GPATCH2: variants seen among roughly 807,000 people sequenced by gnomAD.
The protein encoded by GPATCH2 is G-patch domain containing 2.
A neutral mutation model predicts 58.0 loss-of-function variants in GPATCH2; 51 were observed. The ratio of observed to expected loss-of-function variants is 0.88; its 90% confidence interval spans 0.70 to 1.11. The LOEUF (loss-of-function observed/expected upper bound fraction) is 1.11, where lower values mean the gene tolerates loss of function less well. Ranked by LOEUF, GPATCH2 falls within the 50% of genes most tolerant of loss-of-function variation. The probability of loss-of-function intolerance (pLI) is 0.00; values close to 1 mark genes in which losing one functional copy is unlikely to be tolerated. For missense variants in GPATCH2, 625 were observed against 652.2 expected, an observed-to-expected ratio of 0.96 and a Z score of 0.45; for synonymous variants, 222 against 218.5, an observed-to-expected ratio of 1.02 and a Z score of -0.14.
intron 8 of GPATCH2, among the ~76,000 whole-genome samples, chr1:217,483,385 A>G (rs1263144389): frequency 6.6e-6 from 1 of 152,112 alleles, no homozygotes; most frequent in Non-Finnish European, 1.5e-5. Flanking sequence ...GCATCTCACT[A>G]TGTTGCCCAG....
rs560022893 is a variant in GPATCH2 at position 217,609,042 on chromosome 1, A to T, written c.1098+1279T>A. 54 of 816,090 alleles carry T rather than the reference A, an allele frequency of 6.6e-5. 1 individual carries two copies. In the South Asian group the frequency reaches 2.5e-3, roughly 37 times the overall value. 50.6% of individuals were successfully genotyped at this position (816,090 alleles called of 1,614,324 possible). On this transcript the variant is annotated intron_variant, in intron 5 of 9. Transcript: ENST00000366935. ...AAGTTAGCCATTAAATGCTGAATTA[A>T]CAATTAATCCATACAATAATATAAA...
chr1:217,630,234 T>C (rs1168336808), intron 1 of GPATCH2, among the ~76,000 whole-genome samples: 1 of 152,194 alleles, frequency 6.6e-6, no homozygotes, highest in Non-Finnish European at 1.5e-5. Flanking sequence ...TCTGTGCTTG[T>C]GATATTCTGC....
intron 5 of GPATCH2, among the ~76,000 whole-genome samples, chr1:217,518,476 T>G (rs780704715): frequency 2.0e-5 from 3 of 152,218 alleles, no homozygotes; most frequent in Non-Finnish European, 4.4e-5. Flanking sequence ...GCTTAAAAGA[T>G]AAAAAGTTGG....
chr1:217,622,164 A>T lies in GPATCH2; in HGVS notation c.57-1665T>A, dbSNP rs371089987. ...AATCCTCAAGACAGATTTAATATAC[A>T]TCTATGTAAAACCCAAATGACTCGT... On this transcript the variant is annotated intron_variant, in intron 1 of 9. Coordinates refer to ENST00000366935, the MANE Select transcript of GPATCH2 (RefSeq NM_018040.5). 5.3e-5 allele frequency among the ~76,000 whole-genome samples: 8 copies of T among 152,346 alleles called. No homozygotes were observed. The East Asian group carries it at 1.5e-3, about 29-fold the overall frequency.
intron 5 of GPATCH2, among the ~76,000 whole-genome samples, chr1:217,559,438 C>T (rs1371056920): frequency 6.6e-6 from 1 of 152,154 alleles, no homozygotes; most frequent in African/African-American, 2.4e-5. Flanking sequence ...AATCAAACTC[C>T]TTTTTCTACT....
chr1:217,564,287 C>T (rs68085857), intron 5 of GPATCH2, among the ~76,000 whole-genome samples: 31,628 of 151,960 alleles, frequency 0.21, 4,138 homozygotes, highest in East Asian at 0.46. Flanking sequence ...GCTCAATTAG[C>T]CCTCATGTAA....
intron 8 of GPATCH2, among the ~76,000 whole-genome samples, chr1:217,487,425 C>CTTT (rs556623228): frequency 1.5e-5 from 2 of 137,252 alleles, no homozygotes; most frequent in Non-Finnish European, 3.2e-5. Context: ...AAGAGTACTT[C>CTTT]TTTTTTTTTT....
chr1:217,507,029 A>G (rs1393876403), intron 6 of GPATCH2, among the ~76,000 whole-genome samples: 1 of 152,126 alleles, frequency 6.6e-6, no homozygotes, highest in African/African-American at 2.4e-5. Context: ...AATCTCTATT[A>G]CCTCTATCAC....
chr1:217,464,169 C>T (rs6700494), intron 8 of GPATCH2, among the ~76,000 whole-genome samples: 9 of 152,030 alleles, frequency 5.9e-5, no homozygotes, highest in East Asian at 3.9e-4. Context: ...GAGTACTCTG[C>T]GAATATGGTG....
chr1:217,612,624 A>G (rs1356948449), intron 3 of GPATCH2, among the ~76,000 whole-genome samples: 1 of 152,210 alleles, frequency 6.6e-6, no homozygotes, highest in African/African-American at 2.4e-5. Flanking sequence ...AGGTTTAAGC[A>G]TAAGAAAAAA....
chr1:217,585,255 T>C (rs2102753243), intron 5 of GPATCH2, among the ~76,000 whole-genome samples: 2 of 152,212 alleles, frequency 1.3e-5, no homozygotes, highest in East Asian at 3.9e-4. Context: ...CACTGCTGAA[T>C]TCCATAGTAG....
chr1:217,544,432 G>A (rs1462646920), intron 5 of GPATCH2, among the ~76,000 whole-genome samples: 3 of 151,990 alleles, frequency 2.0e-5, no homozygotes, highest in South Asian at 2.1e-4. Context: ...ATTCTCCTGC[G>A]TCCACTATCC....
intron 8 of GPATCH2, among the ~76,000 whole-genome samples, chr1:217,480,325 G>A (rs570936616): frequency 7.2e-5 from 11 of 152,174 alleles, no homozygotes; most frequent in Non-Finnish European, 1.3e-4. Context: ...ATTACAAAAT[G>A]GGCAAAAGAT....
chr1:217,561,468 A>C (rs1342571872), intron 5 of GPATCH2, among the ~76,000 whole-genome samples: 1 of 152,216 alleles, frequency 6.6e-6, no homozygotes, highest in East Asian at 1.9e-4. Flanking sequence ...TTTGTCATCG[A>C]GGTGTGTGTG....
rs772777496 is a variant in GPATCH2 at position 217,557,409 on chromosome 1, CAAAA to C, written c.1099-42524_1099-42521del. On this transcript the variant is annotated intron_variant, in intron 5 of 9. Transcript: ENST00000366935. The stretch of plus-strand genomic sequence containing the variant: ...GGGCAACAAGAGTGAAACCCCATCT[CAAAA>C]AAAAAAAAAAAAAAAAAAATTCCGT... Among the ~76,000 whole-genome samples the C allele has an allele frequency of 1.1e-4, 7 of 62,188 alleles. No homozygotes were observed. In the East Asian group the frequency reaches 3.2e-3, roughly 28 times the overall value. The allele number at this position is 62,188 out of a possible 152,430, so 40.8% of individuals were successfully genotyped here.
At chr1:217,482,066 AG>A (rs1661236969) in intron 8 of GPATCH2, among the ~76,000 whole-genome samples, 1 of 152,052 alleles carries the variant, frequency 6.6e-6, no homozygotes, top group Admixed American at 6.6e-5. Flanking sequence ...AGAGAGAGAG[AG>A]GGTCAGTATT....
intron 5 of GPATCH2, among the ~76,000 whole-genome samples, chr1:217,603,055 G>C (rs1218040970): frequency 6.6e-6 from 1 of 152,042 alleles, no homozygotes; most frequent in Non-Finnish European, 1.5e-5. Flanking sequence ...ATGTTAATAA[G>C]ATTAATGAAA....
At chr1:217,599,838 T>C (rs989280344) in intron 5 of GPATCH2, among the ~76,000 whole-genome samples, 18 of 152,292 alleles carry the variant, frequency 1.2e-4, no homozygotes, top group East Asian at 3.9e-4. Flanking sequence ...TTTTTGTGAA[T>C]TGAAAAATTA....
chr1:217,441,166 C>A (rs551053325), intron 9 of GPATCH2, among the ~76,000 whole-genome samples: 35 of 152,208 alleles, frequency 2.3e-4, no homozygotes, highest in African/African-American at 7.9e-4. Flanking sequence ...ATATATAGAC[C>A]AATGGAACAG....
Sources: allele counts gnomAD v4.1 joint callset (sites outside exome capture counted in the v4.1 genomes callset), GRCh38; gene constraint gnomAD v4.1.1; transcripts MANE v1.5; gene names NCBI Gene and HGNC (gene_info 2026-07-23, HGNC 2026-07-21).